ASAP1: variants seen among roughly 807,000 people sequenced by gnomAD.
The protein encoded by ASAP1 is ArfGAP with SH3 domain, ankyrin repeat and PH domain 1.
Under a neutral mutation model 145.2 loss-of-function variants are expected in ASAP1, and 43 were observed. The ratio of observed to expected loss-of-function variants is 0.30; its 90% confidence interval spans 0.23 to 0.38. The LOEUF is 0.38. ASAP1 is among the 10% of genes least tolerant of loss of function. The pLI is 1.00. For synonymous variants in ASAP1, 546 were observed against 515.5 expected (o/e 1.06, Z -0.80); for missense variants, 1,018 against 1,355.3 (o/e 0.75, Z 3.91).
chr8:130,179,148 T>C, intron 9 of ASAP1, 116 bp downstream of exon 9: 1 of 588,014 alleles, frequency 1.7e-6, no homozygotes, highest in South Asian at 2.6e-5. Flanking sequence ...AAAAGGTCAT[T>C]ATATCACTTT....
At chr8:130,244,080 G>C (rs780672955) in intron 3 of ASAP1, among the ~76,000 whole-genome samples, 2 of 152,086 alleles carry the variant, frequency 1.3e-5, no homozygotes, top group Non-Finnish European at 2.9e-5. Context: ...TGGCTGGAGG[G>C]CCGAATCAAG....
At chr8:130,412,539 G>A (rs1829311054) in intron 1 of ASAP1, among the ~76,000 whole-genome samples, 1 of 151,998 alleles carries the variant, frequency 6.6e-6, no homozygotes, top group South Asian at 2.1e-4. Context: ...GCAGAGCCAT[G>A]AGCCAATTAA....
At chr8:130,391,436 T>C (rs1412330903) in intron 2 of ASAP1, among the ~76,000 whole-genome samples, 1 of 152,252 alleles carries the variant, frequency 6.6e-6, no homozygotes, top group East Asian at 1.9e-4. Context: ...AATAGTAATT[T>C]TTATGTTATG....
At chr8:130,268,410 C>T (rs1018899008) in intron 3 of ASAP1, among the ~76,000 whole-genome samples, 3 of 150,806 alleles carry the variant, frequency 2.0e-5, no homozygotes, top group Non-Finnish European at 4.4e-5. Flanking sequence ...TCACTTGAGC[C>T]CAGGAGGCAG....
chr8:130,330,553 C>T (rs761864022), intron 3 of ASAP1, among the ~76,000 whole-genome samples: 1 of 152,264 alleles, frequency 6.6e-6, no homozygotes, highest in Admixed American at 6.5e-5. Flanking sequence ...CTACCAAAAA[C>T]CAGGCACATA....
At chr8:130,120,083 G>C (rs910485440) in intron 18 of ASAP1, among the ~76,000 whole-genome samples, 1 of 152,140 alleles carries the variant, frequency 6.6e-6, no homozygotes, top group Non-Finnish European at 1.5e-5. Flanking sequence ...ACAGCCTCTG[G>C]TCTTTTCTCA....
chr8:130,331,448 C>T (rs147401036), intron 3 of ASAP1, among the ~76,000 whole-genome samples: 55 of 152,272 alleles, frequency 3.6e-4, no homozygotes, highest in African/African-American at 1.3e-3. Context: ...CTGAAGAAAA[C>T]GGGCCCAGAA....
intron 24 of ASAP1, among the ~76,000 whole-genome samples, chr8:130,109,275 A>G (rs2097542821): frequency 6.6e-6 from 1 of 152,172 alleles, no homozygotes; most frequent in Admixed American, 6.5e-5. Context: ...ATTCTGAGCT[A>G]CTGAGCTCCT....
intron 2 of ASAP1, 145 bp downstream of exon 2, chr8:130,401,740 G>A (rs1290179540): frequency 5.8e-6 from 4 of 692,150 alleles, no homozygotes; most frequent in Non-Finnish European, 9.6e-6. Context: ...CTAGAGATCT[G>A]TTCTCCAATA....
intron 25 of ASAP1, among the ~76,000 whole-genome samples, chr8:130,080,362 AAC>A (rs1158127287): frequency 6.6e-6 from 1 of 152,182 alleles, no homozygotes; most frequent in Non-Finnish European, 1.5e-5. Flanking sequence ...ACTCAGAAGA[AAC>A]ACACAACTCA....
At chr8:130,301,343 G>A (rs1822649499) in intron 3 of ASAP1, among the ~76,000 whole-genome samples, 1 of 152,118 alleles carries the variant, frequency 6.6e-6, no homozygotes, top group Non-Finnish European at 1.5e-5. Context: ...AGAAACGATG[G>A]AAATCCTGAG....
chr8:130,060,005 G>A (rs1376443476), intron 28 of ASAP1, among the ~76,000 whole-genome samples: 2 of 148,220 alleles, frequency 1.3e-5, no homozygotes, highest in African/African-American at 5.0e-5. Flanking sequence ...CTGAGCCTAG[G>A]AGACTGAGGC....
intron 3 of ASAP1, among the ~76,000 whole-genome samples, chr8:130,255,223 G>A (rs957913642): frequency 2.6e-5 from 4 of 152,040 alleles, no homozygotes; most frequent in Non-Finnish European, 2.9e-5. Context: ...CCTGGTACTG[G>A]CAAAAAGAAA....
At position 130,339,991 on chromosome 8, in the gene ASAP1, G is replaced by A. The variant is rs117728812; in HGVS notation, c.186+18026C>T. The stretch of plus-strand genomic sequence containing the variant: ...GGCTCACCTTGCCTAAATTCTTCAA[G>A]GCTTCCGTGTGTGTACATTTGTTCA... On this transcript the variant is annotated intron_variant, in intron 3 of 29. Coordinates refer to ENST00000518721, the MANE Select transcript of ASAP1 (RefSeq NM_018482.4). Among the ~76,000 whole-genome samples the A allele has an allele frequency of 4.2e-3, 632 of 152,278 alleles. 1 individual carries two copies. The highest frequency in any genetic ancestry group is 7.3e-3 in the Non-Finnish European group (494 of 68,024).
intron 3 of ASAP1, among the ~76,000 whole-genome samples, chr8:130,281,810 T>C (rs1331425503): frequency 6.6e-6 from 1 of 152,198 alleles, no homozygotes; most frequent in South Asian, 2.1e-4. Flanking sequence ...CTCACGCCTG[T>C]AATCCCAGCA....
intron 5 of ASAP1, among the ~76,000 whole-genome samples, chr8:130,210,477 C>T (rs1228307122): frequency 1.3e-5 from 2 of 152,052 alleles, no homozygotes; most frequent in Non-Finnish European, 2.9e-5. Context: ...GTCCTAAAAC[C>T]AAAAAGTTTG....
intron 3 of ASAP1, among the ~76,000 whole-genome samples, chr8:130,314,724 C>A (rs1823564108): frequency 6.6e-6 from 1 of 152,196 alleles, no homozygotes; most frequent in South Asian, 2.1e-4. Flanking sequence ...CATCTACATG[C>A]TCTAACTGGT....
chr8:130,282,402 G>T (rs1411289848), intron 3 of ASAP1, among the ~76,000 whole-genome samples: 1 of 152,096 alleles, frequency 6.6e-6, no homozygotes, highest in East Asian at 1.9e-4. Context: ...TTTAGAAATG[G>T]CTTAATTATT....
rs1033322591 is a variant in ASAP1, at chr8:130,265,831, C to T, written c.187-28837G>A. On this transcript the variant is annotated intron_variant, in intron 3 of 29. Transcript: ENST00000518721. ...GGTCGAGGCTGAAGAGCCAAGACTG[C>T]GCCACTGTACTCAAGTCTCAAGCCT... is the stretch of plus-strand genomic sequence containing the variant. Among the ~76,000 whole-genome samples, 17 of 152,186 alleles carry T rather than the reference C, an allele frequency of 1.1e-4. 1 individual carries two copies. The highest frequency in any genetic ancestry group is 4.2e-4 in the South Asian group (2 of 4,818).
Sources: gnomAD v4.1 joint callset for allele counts (sites outside exome capture counted in the v4.1 genomes callset) on GRCh38, gnomAD v4.1.1 for gene constraint, MANE v1.5 for transcripts, NCBI Gene and HGNC (gene_info 2026-07-23, HGNC 2026-07-21) for gene names.